ABCC3: variants seen among roughly 807,000 people sequenced by gnomAD.
The protein encoded by ABCC3 is ATP binding cassette subfamily C member 3, also known as ATP-binding cassette sub-family C member 3.
ABCC3 carries 121 observed loss-of-function variants against 165.3 expected under a neutral mutation model. The ratio of observed to expected loss-of-function variants is 0.73; its 90% CI spans 0.63 to 0.85. ABCC3 has a LOEUF of 0.85. Among genes scored for constraint, ABCC3 ranks in the 40% least tolerant of loss-of-function variants. The pLI is 0.00. For missense variants in ABCC3, 1,869 were observed against 1,964.1 expected (o/e 0.95, Z 0.92); for synonymous variants, 733 against 810.1 (o/e 0.90, Z 1.62).
At chr17:50,636,218 C>T (rs1009361377) in intron 1 of ABCC3, among the ~76,000 whole-genome samples, 8 of 152,162 alleles carry the variant, frequency 5.3e-5, no homozygotes, top group African/African-American at 1.9e-4. Flanking sequence ...TGTGTGTGTA[C>T]GCACACACGC....
intron 30 of ABCC3, among the ~76,000 whole-genome samples, chr17:50,689,470 C>T (rs1436825344): frequency 2.6e-5 from 4 of 152,160 alleles, no homozygotes; most frequent in Admixed American, 2.0e-4. Flanking sequence ...TCCCTAGAAA[C>T]TAGAGGGGAG....
At chr17:50,664,281 G>C (rs1453685214) in intron 10 of ABCC3, 170 bp downstream of exon 10, 1 of 819,820 alleles carries the variant, frequency 1.2e-6, no homozygotes, top group Non-Finnish European at 1.9e-6. Flanking sequence ...AGTGCGCCAC[G>C]ATTGTGCCTG....
chr17:50,669,966 T>G (rs1967613051), intron 17 of ABCC3, among the ~76,000 whole-genome samples: 1 of 151,754 alleles, frequency 6.6e-6, no homozygotes, highest in Non-Finnish European at 1.5e-5. Context: ...CAGCTAAATT[T>G]TTAATTTTTT....
intron 11 of ABCC3, 89 bp downstream of exon 11, chr17:50,665,334 C>G (rs1967500185): frequency 8.5e-7 from 1 of 1,170,772 alleles, no homozygotes; most frequent in African/African-American, 1.5e-5. Flanking sequence ...GGCCTCCCAA[C>G]TACCTTGCTT....
Position 50,683,504 on chromosome 17 carries a change from G to A in ABCC3, c.3808-106G>A, listed in dbSNP as rs1330110055. On this transcript the variant is annotated intron_variant, in intron 26 of 30. Transcript: ENST00000285238. ...CACAGGGGTGCCAAGGACCCTCCCA[G>A]GGACCATAGTTGGGGAGGATTGAGG... is the stretch of plus-strand genomic sequence containing the variant. 13 of 1,313,080 alleles carry A rather than the reference G, an allele frequency of 9.9e-6. No homozygotes were observed. The Middle Eastern group carries it at 7.9e-4, about 80-fold the overall frequency. The allele number at this position is 1,313,080 out of a possible 1,614,324, so 81.3% of individuals were successfully genotyped here.
chr17:50,659,402 C>A, intron 7 of ABCC3, 34 bp downstream of exon 7: 1 of 1,586,422 alleles, frequency 6.3e-7, no homozygotes, highest in East Asian at 2.3e-5. Context: ...CACCCAGCCC[C>A]TTCGCTTACC....
At chr17:50,664,925 C>T (rs1213641072) in intron 10 of ABCC3, among the ~76,000 whole-genome samples, 1 of 152,090 alleles carries the variant, frequency 6.6e-6, no homozygotes, top group Non-Finnish European at 1.5e-5. Flanking sequence ...TGTGTCTGGA[C>T]ACCCTTCTAT....
intron 13 of ABCC3, 62 bp downstream of exon 13, chr17:50,668,071 G>A: frequency 7.2e-7 from 1 of 1,388,138 alleles, no homozygotes. Context: ...GGTCAGGGAA[G>A]GGTCACTTAG....
chr17:50,668,789 C>A, intron 14 of ABCC3, 64 bp from the exon 15 acceptor site: 1 of 1,416,606 alleles, frequency 7.1e-7, no homozygotes, highest in Non-Finnish European at 9.9e-7. Flanking sequence ...GCCCCCCAGC[C>A]TCCCTGCAGG....
intron 1 of ABCC3, among the ~76,000 whole-genome samples, chr17:50,654,470 C>G (rs986373306): frequency 1.3e-5 from 2 of 152,192 alleles, no homozygotes; most frequent in African/African-American, 4.8e-5. Context: ...AGTAAAGTAA[C>G]CAACCATCCT....
In ABCC3 at chr17:50,655,961, C is replaced by T. The variant is rs2146604665; in HGVS notation, c.175C>T (p.His59Tyr). ...CTGCTACTTGCTCTACCTGCGGCAC[C>T]ATTGTCGTGGCTACATCATCCTCTC... Reference protein sequence around the residue: ...LPCYLLYLRHHCRGYIILSHL... With the variant: ...LPCYLLYLRHYCRGYIILSHL... Residue 59 changes from histidine (H) to tyrosine (Y), a missense_variant, in exon 2 of 31, where the codon CAT becomes TAT. His to Tyr is a moderately conservative substitution (Grantham distance 83). Coordinates refer to ENST00000285238, the MANE Select transcript of ABCC3 (RefSeq NM_003786.4). The T allele has an allele frequency of 6.2e-7, 1 of 1,614,130 alleles. No individual in the cohort carries two copies. Among genetic ancestry groups the T allele is most frequent in the Non-Finnish European group, 8.5e-7 (1 of 1,180,010 alleles).
At chr17:50,660,233 T>C (rs1216747039) in intron 7 of ABCC3, among the ~76,000 whole-genome samples, 1 of 152,178 alleles carries the variant, frequency 6.6e-6, no homozygotes, top group Admixed American at 6.5e-5. Flanking sequence ...GATCTTCCCC[T>C]GAGGGGTCTT....
chr17:50,658,611 C>A, intron 6 of ABCC3, 115 bp downstream of exon 6: 2 of 1,149,900 alleles, frequency 1.7e-6, no homozygotes. Context: ...ATCCCACCCC[C>A]CACCGCAGTG....
intron 19 of ABCC3, among the ~76,000 whole-genome samples, chr17:50,674,654 A>G (rs1967762391): frequency 6.6e-6 from 1 of 151,954 alleles, no homozygotes; most frequent in East Asian, 1.9e-4. Flanking sequence ...CCCAGCCCCC[A>G]ATTCTGGATT....
intron 1 of ABCC3, among the ~76,000 whole-genome samples, chr17:50,639,803 G>A (rs1411830700): frequency 1.0e-4 from 15 of 149,208 alleles, no homozygotes; most frequent in Admixed American, 4.0e-4. Context: ...TTGCTCTGTC[G>A]CCCAGGCTGA....
intron 1 of ABCC3, chr17:50,635,205 C>T (rs1263002214): frequency 1.6e-6 from 1 of 622,310 alleles, no homozygotes; most frequent in African/African-American, 1.8e-5. Flanking sequence ...TCTGCCCTTC[C>T]CGGCTGCAGC....
chr17:50,658,355 G>C (rs12103817), intron 5 of ABCC3, 80 bp from the exon 6 acceptor site: 3 of 1,581,478 alleles, frequency 1.9e-6, no homozygotes, highest in African/African-American at 2.7e-5. Context: ...CAGGAACAAG[G>C]GTCCCCTCCA....
rs1164403074 is a variant in ABCC3 at position 50,684,111 on chromosome 17, G to T, written c.4113+4G>T. On this transcript the variant is annotated splice_donor_region_variant and intron_variant, in intron 28 of 30. Transcript: ENST00000285238. Reference sequence around the variant, plus strand: ...TCAGCTGACCATCATCCCGCAGGTAGGAGCCTGGCATGGGCTGGCCACACT... The same window carrying T: ...TCAGCTGACCATCATCCCGCAGGTATGAGCCTGGCATGGGCTGGCCACACT... 6.2e-7 allele frequency: 1 copy of T among 1,612,572 alleles called. No individual in the cohort carries two copies. Among genetic ancestry groups the T allele is most frequent in the Non-Finnish European group, 8.5e-7 (1 of 1,179,520 alleles).
At chr17:50,639,783 T>G (rs2054211416) in intron 1 of ABCC3, among the ~76,000 whole-genome samples, 1 of 141,336 alleles carries the variant, frequency 7.1e-6, no homozygotes. Context: ...TTTTTTTTTG[T>G]GACAGAGTCT....
Sources: gnomAD v4.1 joint callset for allele counts (sites outside exome capture counted in the v4.1 genomes callset) on GRCh38, gnomAD v4.1.1 for gene constraint, MANE v1.5 for transcripts, NCBI Gene and HGNC (gene_info 2026-07-23, HGNC 2026-07-21) for gene names.